The following ASAP1 variants were observed in gnomAD, a reference collection of about 807,000 sequenced individuals.
ASAP1 encodes ArfGAP with SH3 domain, ankyrin repeat and PH domain 1, also known as arf-GAP with SH3 domain, ANK repeat and PH domain-containing protein 1.
ASAP1 carries 43 observed loss-of-function variants against 145.2 expected under a neutral mutation model. The observed-to-expected ratio is 0.30, with a 90% CI of 0.23 to 0.38. ASAP1 has a LOEUF of 0.38. Ranked by LOEUF, ASAP1 falls within the 10% of genes least tolerant of loss-of-function variation. The pLI is 1.00. For synonymous variants in ASAP1, 546 were observed against 515.5 expected, an observed-to-expected ratio of 1.06 and a Z score of -0.80; for missense variants, 1,018 against 1,355.3, an observed-to-expected ratio of 0.75 and a Z score of 3.91.
chr8:130,279,157 G>GA (rs1187285465), intron 3 of ASAP1, among the ~76,000 whole-genome samples: 1 of 151,702 alleles, frequency 6.6e-6, no homozygotes, highest in Non-Finnish European at 1.5e-5. Context: ...ACAGAGAGGG[G>GA]AAAAAAAATG....
rs1293263335 is a variant in ASAP1 at position 130,358,574 on chromosome 8, G to C, written c.60-431C>G. Among the ~76,000 whole-genome samples the C allele has an allele frequency of 6.8e-6, 1 of 147,558 alleles. No homozygotes were observed. The highest frequency in any genetic ancestry group is 1.5e-5 in the Non-Finnish European group (1 of 66,202). ...TGCCTCCTCAGACGCGCTGACAGGC[G>C]GCGGCGCGGGCCTGACTGACTGAGC... On this transcript the variant is annotated intron_variant, in intron 2 of 29. Coordinates refer to ENST00000518721, the MANE Select transcript of ASAP1 (RefSeq NM_018482.4). This position sits in a 1 kb window ranked among gnomAD's most constrained non-coding sequence, Gnocchi z 4.1.
chr8:130,063,731 C>T (rs893599370), intron 27 of ASAP1, among the ~76,000 whole-genome samples: 2 of 152,296 alleles, frequency 1.3e-5, no homozygotes, highest in Middle Eastern at 3.4e-3. Flanking sequence ...AAGAGATGGT[C>T]GATTCCTAGC....
chr8:130,437,220 C>T (rs190314150), intron 1 of ASAP1, among the ~76,000 whole-genome samples: 47 of 152,330 alleles, frequency 3.1e-4, no homozygotes, highest in African/African-American at 1.1e-3. Context: ...TTGTTCAGTG[C>T]CTGTCATTTG....
chr8:130,147,634 T>C (rs917406090), intron 13 of ASAP1, among the ~76,000 whole-genome samples: 6 of 152,240 alleles, frequency 3.9e-5, no homozygotes, highest in African/African-American at 1.4e-4. Context: ...TGTTATTCTG[T>C]TTCACAGATT....
At chr8:130,197,024 G>A (rs766669183) in intron 5 of ASAP1, among the ~76,000 whole-genome samples, 1 of 152,246 alleles carries the variant, frequency 6.6e-6, no homozygotes, top group Non-Finnish European at 1.5e-5. Context: ...CCAGAGGCAT[G>A]TGGCCACTCA....
At chr8:130,337,281 T>TGCA (rs1825095919) in intron 3 of ASAP1, among the ~76,000 whole-genome samples, 1 of 152,250 alleles carries the variant, frequency 6.6e-6, no homozygotes. Flanking sequence ...AATTGAGTGG[T>TGCA]GCATGCTTCA....
Position 130,129,401 on chromosome 8 carries a change from G to A in ASAP1, c.1218-1311C>T, listed in dbSNP as rs532292841. On this transcript the variant is annotated intron_variant, in intron 15 of 29. Coordinates refer to ENST00000518721, the MANE Select transcript of ASAP1 (RefSeq NM_018482.4). ...TTTTCTATAGAAAACAACTGATAGA[G>A]GAATTGCCCGACTTTGTGCCTTTCT... 8.5e-5 allele frequency among the ~76,000 whole-genome samples: 13 copies of A among 152,236 alleles called. No individual in the cohort carries two copies. The South Asian group carries it at 2.3e-3, about 27-fold the overall frequency.
intron 3 of ASAP1, among the ~76,000 whole-genome samples, chr8:130,320,820 C>T (rs1314989786): frequency 6.6e-6 from 1 of 152,104 alleles, no homozygotes; most frequent in Admixed American, 6.5e-5. Flanking sequence ...TTATCTATCC[C>T]AAACCACTGA....
chr8:130,108,532 C>T (rs1294114903), intron 24 of ASAP1, among the ~76,000 whole-genome samples: 4 of 152,086 alleles, frequency 2.6e-5, no homozygotes, highest in Non-Finnish European at 5.9e-5. Flanking sequence ...GGTGTGGTGG[C>T]TCACGCCTGT....
intron 25 of ASAP1, among the ~76,000 whole-genome samples, chr8:130,085,169 T>C (rs2135369898): frequency 6.6e-6 from 1 of 152,326 alleles, no homozygotes; most frequent in Admixed American, 6.5e-5. Flanking sequence ...TAGGTATTAA[T>C]TCAAGAGTGT....
At chr8:130,182,250 C>T (rs1192659956) in intron 7 of ASAP1, among the ~76,000 whole-genome samples, 2 of 152,146 alleles carry the variant, frequency 1.3e-5, no homozygotes, top group Non-Finnish European at 2.9e-5. Context: ...CTTCTTCCTC[C>T]AGTGATCCCA....
chr8:130,415,875 C>T (rs1429512921), intron 1 of ASAP1, among the ~76,000 whole-genome samples: 2 of 152,136 alleles, frequency 1.3e-5, no homozygotes, highest in Non-Finnish European at 2.9e-5. Context: ...TCAGCCAACC[C>T]TGACAAAGTC....
At chr8:130,314,800 G>T (rs948606148) in intron 3 of ASAP1, among the ~76,000 whole-genome samples, 1 of 152,222 alleles carries the variant, frequency 6.6e-6, no homozygotes, top group Non-Finnish European at 1.5e-5. Context: ...TTTAGATGTG[G>T]TCGGGATGTG....
intron 15 of ASAP1, among the ~76,000 whole-genome samples, chr8:130,133,619 GC>G (rs1301483408): frequency 1.3e-5 from 2 of 151,532 alleles, no homozygotes; most frequent in Non-Finnish European, 2.9e-5. Flanking sequence ...TTGCGCCACT[GC>G]AGTCCGCAGT....
intron 3 of ASAP1, among the ~76,000 whole-genome samples, chr8:130,314,891 C>G (rs1413315852): frequency 2.0e-5 from 3 of 152,226 alleles, no homozygotes; most frequent in Non-Finnish European, 4.4e-5. Context: ...CATTTGCTTA[C>G]TCTGAACTTC....
intron 5 of ASAP1, among the ~76,000 whole-genome samples, chr8:130,195,968 C>T (rs1351224389): frequency 6.6e-6 from 1 of 152,210 alleles, no homozygotes; most frequent in Non-Finnish European, 1.5e-5. Flanking sequence ...CATCTTTCTT[C>T]ACTAGAAGGT....
At chr8:130,327,186 T>C (rs950620663) in intron 3 of ASAP1, among the ~76,000 whole-genome samples, 5 of 152,206 alleles carry the variant, frequency 3.3e-5, no homozygotes, top group Non-Finnish European at 7.3e-5. Flanking sequence ...CTCTAAGAGT[T>C]GTCCTTGGAT....
intron 3 of ASAP1, among the ~76,000 whole-genome samples, chr8:130,328,123 C>T (rs1464116986): frequency 6.6e-6 from 1 of 152,080 alleles, no homozygotes; most frequent in Non-Finnish European, 1.5e-5. Flanking sequence ...TGGCCAGTGT[C>T]GTAAGTATTC....
chr8:130,257,790 C>CCCG (rs1554860668), intron 3 of ASAP1, among the ~76,000 whole-genome samples: 3 of 142,924 alleles, frequency 2.1e-5, no homozygotes, highest in African/African-American at 7.9e-5. Flanking sequence ...AAGAGCACCC[C>CCCG]CCCCCCATTA....
Sources: allele counts gnomAD v4.1 joint callset (sites outside exome capture counted in the v4.1 genomes callset), GRCh38; gene constraint gnomAD v4.1.1; non-coding constraint Gnocchi (gnomAD v3.1); transcripts MANE v1.5; gene names NCBI Gene and HGNC (gene_info 2026-07-23, HGNC 2026-07-21).